Variants in MACROD2 observed in about 807,000 individuals in gnomAD.
MACROD2 encodes mono-ADP ribosylhydrolase 2.
Under a neutral mutation model 70.4 loss-of-function variants are expected in MACROD2, and 36 were observed. That is an observed-to-expected ratio of 0.51 (90% CI 0.39 to 0.68). The LOEUF is 0.68. Among genes scored for constraint, MACROD2 ranks in the 30% least tolerant of loss-of-function variants. The probability of loss-of-function intolerance (pLI) is 0.00; values close to 1 mark genes in which losing one functional copy is unlikely to be tolerated. For synonymous variants in MACROD2, 172 were observed against 178.8 expected (o/e 0.96, Z 0.30); for missense variants, 496 against 538.4 (o/e 0.92, Z 0.78).
intron 3 of MACROD2, among the ~76,000 whole-genome samples, chr20:14,360,570 A>G (rs1659946116): frequency 6.6e-6 from 1 of 152,196 alleles, no homozygotes. Context: ...AAGAACTTGA[A>G]TGAGTCACTT....
intron 8 of MACROD2, among the ~76,000 whole-genome samples, chr20:15,826,091 T>A (rs1055298977): frequency 4.6e-5 from 7 of 152,246 alleles, no homozygotes; most frequent in Admixed American, 6.5e-5. Context: ...TCTGTGATTA[T>A]AAAGAAATAC....
At chr20:15,383,583 A>C (rs560705847) in intron 6 of MACROD2, among the ~76,000 whole-genome samples, 25 of 152,336 alleles carry the variant, frequency 1.6e-4, no homozygotes, top group African/African-American at 6.0e-4. Context: ...GAGGCTGACT[A>C]TAATTTGCTG....
chr20:14,085,211 C>G (rs1014912952), intron 2 of MACROD2, among the ~76,000 whole-genome samples: 4 of 149,332 alleles, frequency 2.7e-5, no homozygotes, highest in Admixed American at 1.3e-4. Flanking sequence ...TTTTTTTTTG[C>G]TCAAATATAT....
intron 3 of MACROD2, among the ~76,000 whole-genome samples, chr20:14,444,630 C>T (rs1445321909): frequency 6.6e-6 from 1 of 151,762 alleles, no homozygotes; most frequent in Non-Finnish European, 1.5e-5. Flanking sequence ...TGTGTGTGTC[C>T]CTCCTTTCAA....
chr20:15,400,792 G>A (rs1442204418), intron 6 of MACROD2, among the ~76,000 whole-genome samples: 1 of 152,124 alleles, frequency 6.6e-6, no homozygotes, highest in Non-Finnish European at 1.5e-5. Context: ...ATCAAACCAT[G>A]AGAGCTTTGG....
intron 2 of MACROD2, among the ~76,000 whole-genome samples, chr20:14,029,814 C>CAACAATGTAAT (rs931352395): frequency 6.6e-6 from 1 of 152,146 alleles, no homozygotes; most frequent in Non-Finnish European, 1.5e-5. Context: ...GTGGCCTTCT[C>CAACAATGTAAT]TTTTCAGATA....
intron 8 of MACROD2, among the ~76,000 whole-genome samples, chr20:15,800,960 T>A (rs62194742): frequency 0.15 from 22,803 of 150,948 alleles, 1,820 homozygotes; most frequent in Middle Eastern, 0.29. Context: ...TGGTGCAAGA[T>A]GTGCTTTGTT....
At chr20:15,697,587 G>T (rs1195480239) in intron 8 of MACROD2, among the ~76,000 whole-genome samples, 1 of 152,152 alleles carries the variant, frequency 6.6e-6, no homozygotes, top group Admixed American at 6.5e-5. Flanking sequence ...CTAAGGTATA[G>T]TTTAAATCCA....
chr20:15,376,815 G>A (rs770358377), intron 6 of MACROD2, among the ~76,000 whole-genome samples: 6 of 152,168 alleles, frequency 3.9e-5, no homozygotes, highest in Admixed American at 3.9e-4. Context: ...AAATTCAAAT[G>A]ATCTGACTTC....
At chr20:15,553,371 T>C (rs557938571) in intron 8 of MACROD2, among the ~76,000 whole-genome samples, 2 of 152,290 alleles carry the variant, frequency 1.3e-5, no homozygotes, top group East Asian at 3.9e-4. Context: ...AAAGACTGTG[T>C]TCACCCCTGT....
intron 15 of MACROD2, among the ~76,000 whole-genome samples, chr20:16,009,505 C>A (rs899442711): frequency 1.3e-5 from 2 of 152,124 alleles, no homozygotes; most frequent in African/African-American, 2.4e-5. Context: ...GCCTGTAATC[C>A]CAGCACTTCG....
intron 5 of MACROD2, among the ~76,000 whole-genome samples, chr20:15,179,830 A>T (rs954288203): frequency 6.6e-6 from 1 of 152,216 alleles, no homozygotes; most frequent in African/African-American, 2.4e-5. Context: ...CAATTTAAAG[A>T]TTCCCAAATT....
At chr20:14,522,768 A>G (rs2123181366) in intron 4 of MACROD2, among the ~76,000 whole-genome samples, 1 of 152,282 alleles carries the variant, frequency 6.6e-6, no homozygotes, top group African/African-American at 2.4e-5. Flanking sequence ...GCAATAAGAG[A>G]ACCCATCCTC....
At chr20:14,608,002 C>T (rs1047083688) in intron 4 of MACROD2, among the ~76,000 whole-genome samples, 5 of 152,206 alleles carry the variant, frequency 3.3e-5, no homozygotes, top group Admixed American at 2.6e-4. Context: ...CCTGTAATCC[C>T]AGCACTTTGG....
intron 5 of MACROD2, among the ~76,000 whole-genome samples, chr20:15,146,785 C>T (rs2076233283): frequency 1.3e-5 from 2 of 152,100 alleles, no homozygotes; most frequent in Non-Finnish European, 2.9e-5. Flanking sequence ...GTTTTGGAAC[C>T]ATGAAAGACC....
At position 15,636,102 on chromosome 20, in the gene MACROD2, G is replaced by GAAAGAA. The variant is rs2049363749; in HGVS notation, c.645+136258_645+136259insGAAAAA. On this transcript the variant is annotated intron_variant, in intron 8 of 17. Transcript: ENST00000684519. The stretch of plus-strand genomic sequence containing the variant: ...AAAAAAAAAAAAAAAAGAAAGAAAA[G>GAAAGAA]AAAAGAAAAAAGAAAAGGAAAAAGA... Among the ~76,000 whole-genome samples, 17 of 76,974 alleles carry GAAAGAA rather than the reference G, an allele frequency of 2.2e-4. No homozygotes were observed. The South Asian group carries it at 7.0e-3, about 32-fold the overall frequency. The allele number at this position is 76,974 out of a possible 152,430, so 50.5% of individuals were successfully genotyped here. A position where few individuals can be genotyped will look rare whatever the true frequency, so the allele number is the denominator to read the frequency against.
chr20:14,487,673 G>A (rs1272608970), intron 3 of MACROD2, among the ~76,000 whole-genome samples: 4 of 152,034 alleles, frequency 2.6e-5, no homozygotes, highest in Admixed American at 1.3e-4. Flanking sequence ...ATCATGCATT[G>A]TACCATTGAT....
intron 5 of MACROD2, among the ~76,000 whole-genome samples, chr20:14,726,692 A>G (rs2071534354): frequency 6.6e-6 from 1 of 152,226 alleles, no homozygotes; most frequent in Non-Finnish European, 1.5e-5. Context: ...CTACTCGGGC[A>G]TCAAGTTAGG....
chr20:14,326,586 C>T lies in MACROD2; in HGVS notation c.272-166893C>T. 6.2e-7 allele frequency: 1 copy of T among 1,613,866 alleles called. No homozygotes were observed. Among genetic ancestry groups the T allele is most frequent in the Non-Finnish European group, 8.5e-7 (1 of 1,179,838 alleles). On this transcript the variant is annotated intron_variant, in intron 3 of 17. Transcript: ENST00000684519. This position sits in a 1 kb window ranked among gnomAD's most constrained non-coding sequence, Gnocchi z 5.5. ...CCCATTTCATCTTGCACCCGCAATACCAGGGATTGTTGCGAAGAATCAGTT... is the reference window on the plus strand; with the variant it reads ...CCCATTTCATCTTGCACCCGCAATATCAGGGATTGTTGCGAAGAATCAGTT...
Sources: allele counts gnomAD v4.1 joint callset (sites outside exome capture counted in the v4.1 genomes callset), GRCh38; gene constraint gnomAD v4.1.1; non-coding constraint Gnocchi (gnomAD v3.1); transcripts MANE v1.5; gene names NCBI Gene and HGNC (gene_info 2026-07-23, HGNC 2026-07-21).